The following NCLN variants were observed in gnomAD, a reference collection of about 807,000 sequenced individuals.
NCLN encodes the protein BOS complex subunit NCLN.
In NCLN, 34 loss-of-function variants were observed where a neutral mutation model predicts 69.5. The ratio of observed to expected loss-of-function variants is 0.49; its 90% CI spans 0.37 to 0.65. The LOEUF is 0.65. NCLN is among the 30% of genes least tolerant of loss of function. NCLN has a pLI of 0.00. For synonymous variants in NCLN, 393 were observed against 358.3 expected (o/e 1.10, Z -1.09); for missense variants, 710 against 804.8 (o/e 0.88, Z 1.42).
Position 3,208,140 on chromosome 19 carries a change from C to G in NCLN, c.*452C>G, listed in dbSNP as rs1916327066. The G allele has an allele frequency of 6.2e-6, 1 of 162,046 alleles. No individual in the cohort carries two copies. The highest frequency in any genetic ancestry group is 1.8e-4 in the South Asian group (1 of 5,502). The allele number at this position is 162,046 out of a possible 1,614,324, so 10.0% of individuals were successfully genotyped here. On this transcript the variant is annotated 3_prime_UTR_variant, in exon 15 of 15. Coordinates refer to ENST00000246117, the MANE Select transcript of NCLN (RefSeq NM_020170.4). Reference sequence around the variant, plus strand: ...CCGTGTCTGTCCTAGGACGTCCCCTCCCGCTCCCCGATGGTGGCGTGGACA... The same window carrying G: ...CCGTGTCTGTCCTAGGACGTCCCCTGCCGCTCCCCGATGGTGGCGTGGACA...
chr19:3,197,279 G>T (rs991790007), intron 4 of NCLN, among the ~76,000 whole-genome samples: 2 of 152,212 alleles, frequency 1.3e-5, no homozygotes, highest in Non-Finnish European at 2.9e-5. Flanking sequence ...CCTTTCTCCT[G>T]TGAGCAGAGC....
chr19:3,207,057 C>T (rs1916288799), intron 12 of NCLN, 141 bp from the exon 13 acceptor site: 1 of 944,142 alleles, frequency 1.1e-6, no homozygotes, highest in African/African-American at 1.6e-5. Flanking sequence ...CTCTTGACTT[C>T]AAGTGATCCG....
chr19:3,204,868 G>A (rs573850286), intron 9 of NCLN, 117 bp downstream of exon 9: 10 of 1,132,360 alleles, frequency 8.8e-6, no homozygotes, highest in African/African-American at 3.3e-5. Context: ...CACAGGCTGC[G>A]AGGAAGGGGC....
At chr19:3,190,282 G>A (rs1418302767) in intron 1 of NCLN, among the ~76,000 whole-genome samples, 1 of 152,192 alleles carries the variant, frequency 6.6e-6, no homozygotes, top group Non-Finnish European at 1.5e-5. Flanking sequence ...GGGGAGCAGG[G>A]GTGAGGCTGC....
intron 1 of NCLN, among the ~76,000 whole-genome samples, chr19:3,186,561 T>C (rs1057198045): frequency 1.3e-5 from 2 of 152,044 alleles, no homozygotes; most frequent in Non-Finnish European, 2.9e-5. Context: ...CCTTGCCGAG[T>C]TTCTCCCTCC....
intron 4 of NCLN, among the ~76,000 whole-genome samples, chr19:3,197,911 G>T (rs1439415347): frequency 6.6e-6 from 1 of 152,128 alleles, no homozygotes; most frequent in African/African-American, 2.4e-5. Context: ...GTGAGCCACC[G>T]TGCCGGGCTG....
chr19:3,189,142 T>C (rs1448166475), intron 1 of NCLN, among the ~76,000 whole-genome samples: 1 of 152,144 alleles, frequency 6.6e-6, no homozygotes, highest in Non-Finnish European at 1.5e-5. Flanking sequence ...ACTGGCCAGG[T>C]GCACAGCACC....
chr19:3,195,267 T>G (rs977329370), intron 3 of NCLN, among the ~76,000 whole-genome samples: 4 of 151,942 alleles, frequency 2.6e-5, no homozygotes, highest in Non-Finnish European at 5.9e-5. Context: ...TTTGTTTTTT[T>G]GAGACGGAGT....
chr19:3,199,689 CTTTTTTTTTTTT>C lies in NCLN; in HGVS notation c.696+808_696+819del, dbSNP rs71164662. Among the ~76,000 whole-genome samples, 331 of 69,548 alleles carry C rather than the reference CTTTTTTTTTTTT, an allele frequency of 4.8e-3. 2 individuals are homozygous for C. The highest frequency in any genetic ancestry group is 0.021 in the African/African-American group (308 of 14,568). The allele number at this position is 69,548 out of a possible 152,430, so 45.6% of individuals were successfully genotyped here. On this transcript the variant is annotated intron_variant, in intron 5 of 14. Transcript: ENST00000246117. The stretch of plus-strand genomic sequence containing the variant: ...GTGTCAACCAGCACCCTGCCTCCTC[CTTTTTTTTTTTT>C]TTTTTTTTTTTTTTTAATTGAGACA...
At position 3,196,205 on chromosome 19, in the gene NCLN, C is replaced by A; in HGVS notation, c.543C>A (p.Ala181=). 1.9e-6 allele frequency: 3 copies of A among 1,554,840 alleles called. No homozygotes were observed. Among genetic ancestry groups the A allele is most frequent in the Non-Finnish European group, 2.6e-6 (3 of 1,148,804 alleles). Residue 181 remains alanine (A), a synonymous_variant, in exon 4 of 15, where the codon GCC becomes GCA. Transcript: ENST00000246117. ...TAGTACTGCTGCGCACGGCCACTGCCAACGGCTTCCAGATGGTCACCAGCG... is the reference window on the plus strand; with the variant it reads ...TAGTACTGCTGCGCACGGCCACTGCAAACGGCTTCCAGATGGTCACCAGCG... ...AAEVLLRTAT[A]NGFQMVTSGV...
chr19:3,194,927 A>G (rs775016308), intron 3 of NCLN, among the ~76,000 whole-genome samples: 15 of 151,880 alleles, frequency 9.9e-5, no homozygotes, highest in Non-Finnish European at 2.1e-4. Flanking sequence ...TTGTCCCAGC[A>G]CTTACGGAGG....
intron 1 of NCLN, among the ~76,000 whole-genome samples, chr19:3,186,496 C>T (rs1172278337): frequency 6.6e-6 from 1 of 152,182 alleles, no homozygotes; most frequent in Non-Finnish European, 1.5e-5. Context: ...CGTCCCGCGT[C>T]CCTGGAGCCC....
intron 3 of NCLN, 30 bp downstream of exon 3, chr19:3,193,458 G>A (rs377137719): frequency 7.0e-6 from 11 of 1,562,888 alleles, no homozygotes; most frequent in East Asian, 2.3e-5. Context: ...GACGGGGCCC[G>A]TGGGCGTGGG....
intron 12 of NCLN, among the ~76,000 whole-genome samples, chr19:3,206,899 A>G (rs113651881): frequency 0.012 from 1,751 of 152,188 alleles, 34 homozygotes; most frequent in African/African-American, 0.04. Flanking sequence ...TTGTCTCACT[A>G]CAGCCTCCAT....
intron 5 of NCLN, among the ~76,000 whole-genome samples, chr19:3,200,171 ACTC>A (rs1373540238): frequency 6.7e-6 from 1 of 149,444 alleles, no homozygotes; most frequent in African/African-American, 2.5e-5. Flanking sequence ...TGCCTCTTGA[ACTC>A]CTGACCTCAG....
rs138240032 is a variant in NCLN, at chr19:3,187,182, G to T, written c.184+968G>T. 4.7e-3 allele frequency among the ~76,000 whole-genome samples: 717 copies of T among 152,112 alleles called. 5 individuals carry two copies. The highest frequency in any genetic ancestry group is 7.4e-3 in the Non-Finnish European group (502 of 67,992). On this transcript the variant is annotated intron_variant, in intron 1 of 14. Coordinates refer to ENST00000246117, the MANE Select transcript of NCLN (RefSeq NM_020170.4). The stretch of plus-strand genomic sequence containing the variant: ...TCGCACCCCCTTGCCCTTGCATTCT[G>T]CAAGTCTCCCACTCAACAGCCTCGC...
In NCLN at chr19:3,204,079, C is replaced by T. The variant is rs1228927010; in HGVS notation, c.964C>T (p.Leu322=). The T allele has an allele frequency of 1.3e-6, 2 of 1,552,144 alleles. No homozygotes were observed. The highest frequency in any genetic ancestry group is 1.2e-5 in the South Asian group (1 of 82,622). ...CGTGGGCCGGGGCAGCAGCCTGCAC[C>T]TGCACGTGTCCAAGCCGCCTCGGGA... ...DTVGRGSSLH[L]HVSKPPREGT... Residue 322 remains leucine (L), a synonymous_variant, in exon 8 of 15, where the codon CTG becomes TTG. Transcript: ENST00000246117.
chr19:3,203,870 G>T (rs961052013), intron 7 of NCLN, 26 bp downstream of exon 7: 15 of 1,606,324 alleles, frequency 9.3e-6, no homozygotes, highest in Non-Finnish European at 1.1e-5. Context: ...TGGGGGTGGG[G>T]GTGCCGCGGT....
intron 6 of NCLN, among the ~76,000 whole-genome samples, chr19:3,203,399 G>A (rs1393849509): frequency 6.6e-6 from 1 of 152,234 alleles, no homozygotes; most frequent in East Asian, 1.9e-4. Context: ...CGGTCACCCC[G>A]GTTCCTCCTG....
Sources: allele counts gnomAD v4.1 joint callset (sites outside exome capture counted in the v4.1 genomes callset), GRCh38; gene constraint gnomAD v4.1.1; transcripts MANE v1.5; gene names NCBI Gene and HGNC (gene_info 2026-07-23, HGNC 2026-07-21).